Variants in PSMD1 observed in about 807,000 individuals in gnomAD.
The protein encoded by PSMD1 is 26S proteasome non-ATPase regulatory subunit 1.
Under a neutral mutation model 119.0 loss-of-function variants are expected in PSMD1, and 18 were observed. The observed-to-expected ratio is 0.15, with a 90% confidence interval of 0.10 to 0.22. PSMD1 has a LOEUF of 0.22. Ranked by LOEUF, PSMD1 falls within the 10% of genes least tolerant of loss-of-function variation. The probability of loss-of-function intolerance (pLI) is 1.00; values close to 1 mark genes in which losing one functional copy is unlikely to be tolerated. For synonymous variants in PSMD1, 374 were observed against 396.6 expected (o/e 0.94, Z 0.68); for missense variants, 702 against 1,158.5 (o/e 0.61, Z 5.72).
chr2:231,066,392 A>G (rs550219932), intron 4 of PSMD1, among the ~76,000 whole-genome samples: 27 of 152,366 alleles, frequency 1.8e-4, no homozygotes, highest in African/African-American at 6.5e-4. Flanking sequence ...GATAATTGCT[A>G]TAATAGGCCT....
intron 16 of PSMD1, among the ~76,000 whole-genome samples, chr2:231,131,085 G>A (rs1559244147): frequency 6.6e-6 from 1 of 152,018 alleles, no homozygotes; most frequent in East Asian, 1.9e-4. Flanking sequence ...TTTATTTGTT[G>A]AAGAAACCAG....
chr2:231,083,325 T>C (rs1266058924), intron 13 of PSMD1, among the ~76,000 whole-genome samples: 4 of 152,202 alleles, frequency 2.6e-5, no homozygotes, highest in Non-Finnish European at 5.9e-5. Flanking sequence ...CACTGTAGGA[T>C]TTGATGGTAC....
chr2:231,097,878 G>A (rs1411537266), intron 16 of PSMD1, among the ~76,000 whole-genome samples: 1 of 152,122 alleles, frequency 6.6e-6, no homozygotes, highest in Non-Finnish European at 1.5e-5. Context: ...CCAGTTATTT[G>A]GCAGAGTGTC....
intron 11 of PSMD1, 122 bp from the exon 12 acceptor site, chr2:231,080,019 C>G (rs1694268173): frequency 1.3e-6 from 1 of 799,580 alleles, no homozygotes; most frequent in East Asian, 2.8e-5. Flanking sequence ...GAGAGAGCCC[C>G]ACTACCTCCT....
In PSMD1 at chr2:231,146,534, T is replaced by C. The variant is rs1176814626; in HGVS notation, c.2115+178T>C. Among the ~76,000 whole-genome samples the C allele has an allele frequency of 2.7e-5, 3 of 110,050 alleles. 1 individual carries two copies. The highest frequency in any genetic ancestry group is 3.3e-5 in the Non-Finnish European group (2 of 60,932). 72.2% of individuals were successfully genotyped at this position (110,050 alleles called of 152,430 possible). On this transcript the variant is annotated intron_variant, in intron 18 of 24. Coordinates refer to ENST00000308696, the MANE Select transcript of PSMD1 (RefSeq NM_002807.4). ...GAAACTTTAAATATGTAATGCTCTT[T>C]AAATGTATTTTTTAGACTTAATGGT...
chr2:231,162,430 G>C (rs1449461271), intron 20 of PSMD1, among the ~76,000 whole-genome samples: 1 of 152,156 alleles, frequency 6.6e-6, no homozygotes, highest in Non-Finnish European at 1.5e-5. Context: ...TATTAAAACT[G>C]CTCACATTTG....
At chr2:231,070,424 TC>T in intron 6 of PSMD1, among the ~76,000 whole-genome samples, 1 of 152,128 alleles carries the variant, frequency 6.6e-6, no homozygotes, top group Admixed American at 6.5e-5. Context: ...ATTTTGAAAA[TC>T]CAATAATTTA....
chr2:231,126,235 C>CA (rs941153477), intron 16 of PSMD1, among the ~76,000 whole-genome samples: 12 of 151,602 alleles, frequency 7.9e-5, no homozygotes, highest in South Asian at 4.2e-4. Flanking sequence ...CCCATCTCTA[C>CA]AAAAAAAACC....
chr2:231,063,159 C>T (rs1693802486), intron 4 of PSMD1, among the ~76,000 whole-genome samples: 1 of 152,140 alleles, frequency 6.6e-6, no homozygotes, highest in African/African-American at 2.4e-5. Context: ...GTTTTACTCA[C>T]TCTAAAACCC....
At chr2:231,162,826 C>CAA (rs559646312) in intron 20 of PSMD1, among the ~76,000 whole-genome samples, 13 of 101,928 alleles carry the variant, frequency 1.3e-4, no homozygotes, top group African/African-American at 4.3e-4. Context: ...AACTCTGTCT[C>CAA]AAAAAAAAAA....
intron 16 of PSMD1, among the ~76,000 whole-genome samples, chr2:231,114,216 G>A (rs1039003528): frequency 1.3e-5 from 2 of 151,980 alleles, no homozygotes; most frequent in Non-Finnish European, 2.9e-5. Context: ...CTCTTTTGTC[G>A]ATTCCATTTG....
In PSMD1 at chr2:231,104,541, C is replaced by T. The variant is rs910705742; in HGVS notation, c.1883+17360C>T. ...TTAAAGAGCTGGAGTTAAAAATCCT[C>T]TCTATGTTCTCTAAGTTTTAGTTTA... is the stretch of plus-strand genomic sequence containing the variant. On this transcript the variant is annotated intron_variant, in intron 16 of 24. Coordinates refer to ENST00000308696, the MANE Select transcript of PSMD1 (RefSeq NM_002807.4). 3.5e-5 allele frequency among the ~76,000 whole-genome samples: 5 copies of T among 144,488 alleles called. No homozygotes were observed. The East Asian group carries it at 6.2e-4, about 18-fold the overall frequency. 94.8% of individuals were successfully genotyped at this position (144,488 alleles called of 152,430 possible). A position where few individuals can be genotyped will look rare whatever the true frequency, so the allele number is the denominator to read the frequency against.
chr2:231,158,753 C>G (rs1696567713), intron 19 of PSMD1, among the ~76,000 whole-genome samples: 1 of 152,184 alleles, frequency 6.6e-6, no homozygotes, highest in African/African-American at 2.4e-5. Context: ...TTTTAATTAT[C>G]AAATTATCTG....
Position 231,062,712 on chromosome 2 carries a change from G to T in PSMD1, c.304+37G>T, listed in dbSNP as rs745310631. 3 of 1,467,238 alleles carry T rather than the reference G, an allele frequency of 2.0e-6. No individual in the cohort carries two copies. In the Admixed American group the frequency reaches 6.9e-5, roughly 34 times the overall value. The allele number at this position is 1,467,238 out of a possible 1,614,324, so 90.9% of individuals were successfully genotyped here. ...CTATCTGGTAAGGCTTTATCTTGTCGGCTTCTTTCTTGCTGTAGTGCACAT... is the reference window on the plus strand; with the variant it reads ...CTATCTGGTAAGGCTTTATCTTGTCTGCTTCTTTCTTGCTGTAGTGCACAT... On this transcript the variant is annotated intron_variant, in intron 4 of 24. Coordinates refer to ENST00000308696, the MANE Select transcript of PSMD1 (RefSeq NM_002807.4).
At position 231,161,611 on chromosome 2, in the gene PSMD1, G is replaced by A. The variant is rs1696642315; in HGVS notation, c.2388+102G>A. On this transcript the variant is annotated intron_variant, in intron 20 of 24. Coordinates refer to ENST00000308696, the MANE Select transcript of PSMD1 (RefSeq NM_002807.4). ...GATTTCCATTAAATTTTAAAGATGAGTTAACATCTTATAATAACATTTTCC... is the reference window on the plus strand; with the variant it reads ...GATTTCCATTAAATTTTAAAGATGAATTAACATCTTATAATAACATTTTCC... 4 of 1,185,118 alleles carry A rather than the reference G, an allele frequency of 3.4e-6. No individual in the cohort carries two copies. In the South Asian group the frequency reaches 6.1e-5, roughly 18 times the overall value. 73.4% of individuals were successfully genotyped at this position (1,185,118 alleles called of 1,614,324 possible).
At chr2:231,128,324 A>T (rs10498257) in intron 16 of PSMD1, among the ~76,000 whole-genome samples, 74,660 of 152,054 alleles carry the variant, frequency 0.49, 21,846 homozygotes, top group African/African-American at 0.81. Context: ...AGTACAGATA[A>T]GGTAGAACTA....
intron 16 of PSMD1, chr2:231,123,934 CA>C: frequency 1.5e-6 from 1 of 661,024 alleles, no homozygotes; most frequent in Non-Finnish European, 2.7e-6. Flanking sequence ...TGAGCGCATA[CA>C]CACATCTGTC....
At position 231,146,293 on chromosome 2, in the gene PSMD1, G is replaced by A. The variant is rs1391957136; in HGVS notation, c.2052G>A (p.Arg684=). ...PMTNDPVNYV[R]QGALIASALI... ...CAAACGACCCCGTGAACTACGTGAG[G>A]CAAGGGGCACTCATAGCTTCAGCTC... Residue 684 remains arginine, a synonymous_variant, in exon 18 of 25, where the codon AGG becomes AGA. Coordinates refer to ENST00000308696, the MANE Select transcript of PSMD1 (RefSeq NM_002807.4). 3 of 1,613,792 alleles carry A rather than the reference G, an allele frequency of 1.9e-6. No individual in the cohort carries two copies. In the African/African-American group the frequency reaches 4.0e-5, roughly 22 times the overall value.
chr2:231,109,082 G>T, intron 16 of PSMD1: 2 of 1,614,158 alleles, frequency 1.2e-6, no homozygotes, highest in South Asian at 1.1e-5. Context: ...ACCTGAGTTG[G>T]GCAGAGCCTT....
Sources: allele counts gnomAD v4.1 joint callset (sites outside exome capture counted in the v4.1 genomes callset), GRCh38; gene constraint gnomAD v4.1.1; transcripts MANE v1.5; gene names NCBI Gene and HGNC (gene_info 2026-07-23, HGNC 2026-07-21).